The following NFIX variants were observed in gnomAD, a reference collection of about 807,000 sequenced individuals.
NFIX encodes nuclear factor 1 X-type.
NFIX carries 2 observed loss-of-function variants against 53.3 expected under a neutral mutation model. The ratio of observed to expected loss-of-function variants is 0.04; its 90% CI spans 0.02 to 0.12. The LOEUF is 0.12. Among genes scored for constraint, NFIX ranks in the 10% least tolerant of loss-of-function variants. NFIX has a pLI of 1.00. For synonymous variants in NFIX, 244 were observed against 289.0 expected (o/e 0.84, Z 1.58); for missense variants, 310 against 674.5 (o/e 0.46, Z 5.99).
intron 2 of NFIX, among the ~76,000 whole-genome samples, chr19:13,055,253 G>A (rs2015588169): frequency 7.1e-6 from 1 of 140,000 alleles, no homozygotes; most frequent in Admixed American, 7.3e-5. Flanking sequence ...CCCACTTAGA[G>A]GTTGGCCCCC....
intron 2 of NFIX, among the ~76,000 whole-genome samples, chr19:13,030,885 T>C (rs1235588869): frequency 6.6e-6 from 1 of 152,208 alleles, no homozygotes; most frequent in Non-Finnish European, 1.5e-5. Flanking sequence ...CAGCACGACA[T>C]CAGTTAGAGC....
At position 13,073,216 on chromosome 19, in the gene NFIX, T is replaced by C; in HGVS notation, c.622+107T>C. On this transcript the variant is annotated intron_variant, in intron 3 of 10. Transcript: ENST00000592199. This position sits in a 1 kb window ranked among gnomAD's most constrained non-coding sequence, Gnocchi z 4.5. Reference sequence around the variant, plus strand: ...CCTCACTTCTTCCCCTTCATTCAGCTGTCCCTTGACTGAGCTTAGCTTGCT... The same window carrying C: ...CCTCACTTCTTCCCCTTCATTCAGCCGTCCCTTGACTGAGCTTAGCTTGCT... The C allele has an allele frequency of 8.6e-7, 1 of 1,169,346 alleles. No individual in the cohort carries two copies. Among genetic ancestry groups the C allele is most frequent in the Non-Finnish European group, 1.3e-6 (1 of 776,468 alleles). 72.4% of individuals were successfully genotyped at this position (1,169,346 alleles called of 1,614,324 possible). A position where few individuals can be genotyped will look rare whatever the true frequency, so the allele number is the denominator to read the frequency against.
chr19:13,010,161 A>G (rs544533485), intron 1 of NFIX, among the ~76,000 whole-genome samples: 1 of 152,230 alleles, frequency 6.6e-6, no homozygotes, highest in South Asian at 2.1e-4. Flanking sequence ...GCCAAAACCA[A>G]CAGGGCTCCA....
At chr19:13,039,233 C>G (rs2014440364) in intron 2 of NFIX, among the ~76,000 whole-genome samples, 1 of 148,164 alleles carries the variant, frequency 6.7e-6, no homozygotes, top group Non-Finnish European at 1.5e-5. Flanking sequence ...CCCCCCCACA[C>G]ACACACATAC....
rs952282302 is a variant in NFIX, at chr19:13,023,921, C to T, written c.28-1100C>T. 3 of 768,278 alleles carry T rather than the reference C, an allele frequency of 3.9e-6. No individual in the cohort carries two copies. In the African/African-American group the frequency reaches 5.3e-5, roughly 14 times the overall value. The allele number at this position is 768,278 out of a possible 1,614,324, so 47.6% of individuals were successfully genotyped here. A position where few individuals can be genotyped will look rare whatever the true frequency, so the allele number is the denominator to read the frequency against. Reference sequence around the variant, plus strand: ...TAACCCCCTTTAAAACATTTACCTTCCTCCCCTGCTCCTCCTCCTCCCCCC... The same window carrying T: ...TAACCCCCTTTAAAACATTTACCTTTCTCCCCTGCTCCTCCTCCTCCCCCC... On this transcript the variant is annotated intron_variant, in intron 1 of 10. Transcript: ENST00000592199.
chr19:13,072,790 C>T lies in NFIX; in HGVS notation c.560-257C>T, dbSNP rs573459011. ...GATACCCCACAGTGCACAGGATGGT[C>T]CCCACCAGAGAGAGCAATCCAGGCC... is the stretch of plus-strand genomic sequence containing the variant. On this transcript the variant is annotated intron_variant, in intron 2 of 10. Transcript: ENST00000592199. The surrounding 1 kb of genome is among the most constrained non-coding windows in gnomAD (Gnocchi z 4.0). Among the ~76,000 whole-genome samples, 6 of 152,288 alleles carry T rather than the reference C, an allele frequency of 3.9e-5. No homozygotes were observed. The highest frequency in any genetic ancestry group is 7.4e-5 in the Non-Finnish European group (5 of 68,024).
At chr19:12,995,921 C>CGGCGGCGCG (rs1214209053) in intron 1 of NFIX, 57 bp downstream of exon 1, 2 of 844,742 alleles carry the variant, frequency 2.4e-6, no homozygotes, top group African/African-American at 3.8e-5. Context: ...GGAGGCCGGC[C>CGGCGGCGCG]GGCGGCGCGG....
At chr19:13,079,137 G>C (rs1568322783) in intron 7 of NFIX, among the ~76,000 whole-genome samples, 1 of 152,246 alleles carries the variant, frequency 6.6e-6, no homozygotes, top group Non-Finnish European at 1.5e-5. Flanking sequence ...GCTGAGCCCA[G>C]GCTCTGGATT....
chr19:13,083,032 C>T lies in NFIX; in HGVS notation c.1254+1177C>T, dbSNP rs191003437. Among the ~76,000 whole-genome samples the T allele has an allele frequency of 1.0e-3, 155 of 152,336 alleles. 1 individual carries two copies. In the Middle Eastern group the frequency reaches 0.017, roughly 17 times the overall value. ...GGAAGCCAGTCCTCTTCCCTCCCTC[C>T]TGTTCCCCTCCTGCTCCTTTCCTCC... On this transcript the variant is annotated intron_variant, in intron 8 of 10. Coordinates refer to ENST00000592199, the MANE Select transcript of NFIX (RefSeq NM_001365902.3).
At chr19:13,080,161 A>C (rs1409576709) in intron 7 of NFIX, among the ~76,000 whole-genome samples, 2 of 152,240 alleles carry the variant, frequency 1.3e-5, no homozygotes, top group African/African-American at 4.8e-5. Context: ...TCAAAAACTC[A>C]GTCATCAAGA....
intron 2 of NFIX, among the ~76,000 whole-genome samples, chr19:13,026,285 C>G (rs1010140163): frequency 2.0e-5 from 3 of 151,810 alleles, no homozygotes; most frequent in African/African-American, 7.3e-5. Context: ...GCCCACAGCC[C>G]TGGCACTGGG....
chr19:13,007,917 C>T (rs1568255592), intron 1 of NFIX, among the ~76,000 whole-genome samples: 1 of 152,160 alleles, frequency 6.6e-6, no homozygotes, highest in Non-Finnish European at 1.5e-5. Flanking sequence ...GGGGCTGGCC[C>T]TGAATGGACA....
At chr19:13,018,397 C>T (rs1389664505) in intron 1 of NFIX, among the ~76,000 whole-genome samples, 3 of 148,830 alleles carry the variant, frequency 2.0e-5, no homozygotes, top group African/African-American at 7.4e-5. Context: ...TGAGGCAGAC[C>T]CTGTCCTAGA....
intron 2 of NFIX, among the ~76,000 whole-genome samples, chr19:13,030,536 G>A (rs1369162391): frequency 6.6e-6 from 1 of 152,144 alleles, no homozygotes; most frequent in Non-Finnish European, 1.5e-5. Context: ...ACCAAAGGCA[G>A]CTCTTATGTC....
At position 13,040,541 on chromosome 19, in the gene NFIX, C is replaced by G. The variant is rs1015960780; in HGVS notation, c.559+14989C>G. ...GAGGCTTTTCCTCGCCTCCCTCCCT[C>G]TCCTCAGGAGCCCTGGCCTCCAGGC... On this transcript the variant is annotated intron_variant, in intron 2 of 10. Coordinates refer to ENST00000592199, the MANE Select transcript of NFIX (RefSeq NM_001365902.3). The surrounding 1 kb of genome is among the most constrained non-coding windows in gnomAD (Gnocchi z 4.2). Among the ~76,000 whole-genome samples, 2 of 152,232 alleles carry G rather than the reference C, an allele frequency of 1.3e-5. No individual in the cohort carries two copies. Among genetic ancestry groups the G allele is most frequent in the Admixed American group, 1.3e-4 (2 of 15,286 alleles).
At chr19:13,007,519 T>G (rs952560761) in intron 1 of NFIX, among the ~76,000 whole-genome samples, 4 of 152,228 alleles carry the variant, frequency 2.6e-5, no homozygotes, top group African/African-American at 9.6e-5. Context: ...GCCCAGGCCC[T>G]GGCATGGCAA....
In NFIX at chr19:13,056,222, G is replaced by GC. The variant is rs1342832911; in HGVS notation, c.560-16818dup. On this transcript the variant is annotated intron_variant, in intron 2 of 10. Coordinates refer to ENST00000592199, the MANE Select transcript of NFIX (RefSeq NM_001365902.3). The stretch of plus-strand genomic sequence containing the variant: ...GGAGCGGGCTTTGCACATGACTCAG[G>GC]CCCCCCCACCGCCCCGTTCTATATG... Among the ~76,000 whole-genome samples the GC allele has an allele frequency of 3.9e-5, 6 of 152,078 alleles. No homozygotes were observed. The East Asian group carries it at 5.8e-4, about 15-fold the overall frequency.
At chr19:12,997,696 G>A (rs921304758) in intron 1 of NFIX, among the ~76,000 whole-genome samples, 2 of 152,236 alleles carry the variant, frequency 1.3e-5, no homozygotes, top group Non-Finnish European at 2.9e-5. Flanking sequence ...GGCCTCCCAT[G>A]CCAAGCACGC....
chr19:13,063,290 C>G (rs990278189), intron 2 of NFIX, among the ~76,000 whole-genome samples: 5 of 152,140 alleles, frequency 3.3e-5, no homozygotes, highest in African/African-American at 7.2e-5. Context: ...TCTCCTTTTC[C>G]TTTTCTTCTT....
Sources: gnomAD v4.1 joint callset for allele counts (sites outside exome capture counted in the v4.1 genomes callset) on GRCh38, gnomAD v4.1.1 for gene constraint, Gnocchi (gnomAD v3.1) non-coding constraint, MANE v1.5 for transcripts, NCBI Gene and HGNC (gene_info 2026-07-23, HGNC 2026-07-21) for gene names.